Variants in ZNF618 observed in about 807,000 individuals in gnomAD.
ZNF618 encodes the protein zinc finger protein 618.
Under a neutral mutation model 103.0 loss-of-function variants are expected in ZNF618, and 34 were observed. The ratio of observed to expected loss-of-function variants is 0.33; its 90% CI spans 0.25 to 0.44. The LOEUF is 0.44. ZNF618 is among the 20% of genes least tolerant of loss of function. The probability of loss-of-function intolerance (pLI) is 1.00; values close to 1 mark genes in which losing one functional copy is unlikely to be tolerated. For synonymous variants in ZNF618, 551 were observed against 542.2 expected, an observed-to-expected ratio of 1.02 and a Z score of -0.23; for missense variants, 1,059 against 1,295.4, an observed-to-expected ratio of 0.82 and a Z score of 2.80.
intron 1 of ZNF618, among the ~76,000 whole-genome samples, chr9:113,913,119 G>A (rs1308953365): frequency 7.2e-5 from 11 of 152,144 alleles, no homozygotes; most frequent in Admixed American, 1.3e-4. Context: ...ACCAGGAACC[G>A]CTGCCACGTG....
chr9:113,879,292 A>G (rs192662564), intron 1 of ZNF618, among the ~76,000 whole-genome samples: 195 of 151,828 alleles, frequency 1.3e-3, no homozygotes, highest in African/African-American at 4.5e-3. Flanking sequence ...CCTGACACAC[A>G]ATTCAGCTTC....
chr9:113,962,232 T>C (rs1253150060), intron 1 of ZNF618, among the ~76,000 whole-genome samples: 1 of 152,222 alleles, frequency 6.6e-6, no homozygotes, highest in Non-Finnish European at 1.5e-5. Flanking sequence ...GAATCTTCCT[T>C]GACTCTTTCT....
intron 1 of ZNF618, among the ~76,000 whole-genome samples, chr9:113,930,624 A>C (rs1333925094): frequency 6.6e-6 from 1 of 152,236 alleles, no homozygotes; most frequent in East Asian, 1.9e-4. Flanking sequence ...TTGTTGAATG[A>C]AGTAGTCAGT....
chr9:114,042,001 T>G (rs1484781152), intron 13 of ZNF618, among the ~76,000 whole-genome samples: 2 of 152,210 alleles, frequency 1.3e-5, no homozygotes, highest in Non-Finnish European at 2.9e-5. Flanking sequence ...CTCTTTTATT[T>G]CCTTGAGCAG....
At chr9:114,024,836 C>T (rs1237140944) in intron 10 of ZNF618, among the ~76,000 whole-genome samples, 1 of 152,036 alleles carries the variant, frequency 6.6e-6, no homozygotes, top group Non-Finnish European at 1.5e-5. Flanking sequence ...CCCATATGCA[C>T]ATTTCTGGAG....
At chr9:113,901,651 G>T (rs894798062) in intron 1 of ZNF618, among the ~76,000 whole-genome samples, 7 of 152,160 alleles carry the variant, frequency 4.6e-5, no homozygotes, top group Non-Finnish European at 8.8e-5. Flanking sequence ...CCAGCCAGGG[G>T]ACAGGGTTAT....
chr9:113,932,845 G>A (rs1833717363), intron 1 of ZNF618, among the ~76,000 whole-genome samples: 1 of 152,134 alleles, frequency 6.6e-6, no homozygotes, highest in African/African-American at 2.4e-5. Context: ...TGTTATGTAA[G>A]CTGTTGGATG....
chr9:113,885,820 A>G (rs1162873691), intron 1 of ZNF618, among the ~76,000 whole-genome samples: 1 of 152,208 alleles, frequency 6.6e-6, no homozygotes, highest in African/African-American at 2.4e-5. Context: ...CTTAAAAAGG[A>G]AAGGAGGAAG....
At chr9:114,041,112 G>A (rs975214283) in intron 13 of ZNF618, among the ~76,000 whole-genome samples, 1 of 152,164 alleles carries the variant, frequency 6.6e-6, no homozygotes, top group African/African-American at 2.4e-5. Flanking sequence ...TGTGTCTGTT[G>A]GTTGCATAAA....
chr9:113,892,778 G>A (rs1256683136), intron 1 of ZNF618, among the ~76,000 whole-genome samples: 1 of 152,094 alleles, frequency 6.6e-6, no homozygotes, highest in Non-Finnish European at 1.5e-5. Context: ...TTTAAAGGAG[G>A]GACATAGGGA....
chr9:113,930,282 G>A (rs535761556), intron 1 of ZNF618, among the ~76,000 whole-genome samples: 4 of 152,276 alleles, frequency 2.6e-5, no homozygotes, highest in East Asian at 1.9e-4. Flanking sequence ...CAGGAAAAGC[G>A]TTGCACATGC....
intron 1 of ZNF618, among the ~76,000 whole-genome samples, chr9:113,921,724 A>G (rs1042726851): frequency 6.6e-6 from 1 of 152,246 alleles, no homozygotes; most frequent in African/African-American, 2.4e-5. Context: ...TCTGAACTTC[A>G]TCATTCTGAA....
intron 1 of ZNF618, among the ~76,000 whole-genome samples, chr9:113,914,177 G>A (rs1320463968): frequency 2.0e-5 from 3 of 152,198 alleles, no homozygotes; most frequent in Middle Eastern, 3.4e-3. Context: ...TTGCTCCCCC[G>A]GTTCTTTCTG....
chr9:114,006,269 C>T (rs1841748656), intron 6 of ZNF618, among the ~76,000 whole-genome samples: 1 of 152,222 alleles, frequency 6.6e-6, no homozygotes, highest in Non-Finnish European at 1.5e-5. Flanking sequence ...GCAGCTTATT[C>T]AGACAGAGAA....
At chr9:113,959,174 A>C (rs1836603942) in intron 1 of ZNF618, among the ~76,000 whole-genome samples, 1 of 152,090 alleles carries the variant, frequency 6.6e-6, no homozygotes, top group Non-Finnish European at 1.5e-5. Flanking sequence ...CTGTAATCCA[A>C]GCTACTCAGG....
At chr9:114,042,873 A>G (rs927409760) in intron 13 of ZNF618, among the ~76,000 whole-genome samples, 3 of 152,188 alleles carry the variant, frequency 2.0e-5, no homozygotes, top group South Asian at 2.1e-4. Context: ...AAGTTCCTTC[A>G]TGCCCCTTTG....
chr9:114,033,145 C>T (rs1588414481), intron 12 of ZNF618, among the ~76,000 whole-genome samples: 5 of 152,186 alleles, frequency 3.3e-5, no homozygotes, highest in East Asian at 3.9e-4. Flanking sequence ...CGCCGTGGCT[C>T]ACACCTGTAA....
chr9:113,952,885 C>T (rs556880442), intron 1 of ZNF618, among the ~76,000 whole-genome samples: 1 of 152,314 alleles, frequency 6.6e-6, no homozygotes, highest in East Asian at 1.9e-4. Flanking sequence ...CAGCAAGGCA[C>T]ATCTCAGGAC....
chr9:113,917,235 CTTTTTTTT>C (rs56300784), intron 1 of ZNF618, among the ~76,000 whole-genome samples: 5 of 74,244 alleles, frequency 6.7e-5, no homozygotes, highest in Non-Finnish European at 1.2e-4. Context: ...TCTCTCTATC[CTTTTTTTT>C]TTTTTTTTTT....
Sources: gnomAD v4.1 joint callset for allele counts (sites outside exome capture counted in the v4.1 genomes callset) on GRCh38, gnomAD v4.1.1 for gene constraint, MANE v1.5 for transcripts, NCBI Gene and HGNC (gene_info 2026-07-23, HGNC 2026-07-21) for gene names.